Variants in PRRC2C observed in about 807,000 individuals in gnomAD.
The protein encoded by PRRC2C is proline rich coiled-coil 2C.
A neutral mutation model predicts 317.2 loss-of-function variants in PRRC2C; 72 were observed. The ratio of observed to expected loss-of-function variants is 0.23; its 90% CI spans 0.19 to 0.28. The LOEUF is 0.28. PRRC2C is among the 10% of genes least tolerant of loss of function. The pLI, the probability that PRRC2C is intolerant of heterozygous loss-of-function variation, is 1.00. For synonymous variants in PRRC2C, 1,296 were observed against 1,205.9 expected (o/e 1.07, Z -1.55); for missense variants, 3,074 against 3,459.7 (o/e 0.89, Z 2.80).
rs1039614479 is a variant in PRRC2C at position 171,557,747 on chromosome 1, G to A, written c.5635G>A (p.Ala1879Thr). The part of the protein sequence containing the change: ...ALASTSAPTP[A>T]PAASSPAAPV... ...AGCATCAACTTCAGCTCCAACGCCAGCCCCAGCAGCCTCTTCCCCAGCTGC... is the reference window on the plus strand; with the variant it reads ...AGCATCAACTTCAGCTCCAACGCCAACCCCAGCAGCCTCTTCCCCAGCTGC... Residue 1879 changes from alanine to threonine, a missense_variant, in exon 19 of 35, where the codon GCC (alanine) becomes ACC (threonine). Ala to Thr is a moderately conservative substitution (Grantham distance 58). Around this residue, in one of 11 missense-constraint regions of PRRC2C, gnomAD observed 640 missense variants for 676.1 expected, o/e 0.95. Coordinates refer to ENST00000647382, the MANE Select transcript of PRRC2C (RefSeq NM_001387844.1). 1 of 1,550,934 alleles carries A rather than the reference G, an allele frequency of 6.4e-7. No homozygotes were observed. Among genetic ancestry groups the A allele is most frequent in the South Asian group, 1.2e-5 (1 of 84,028 alleles).
chr1:171,580,070 C>A, intron 28 of PRRC2C, 106 bp downstream of exon 28: 1 of 1,061,564 alleles, frequency 9.4e-7, no homozygotes, highest in Non-Finnish European at 1.2e-6. Flanking sequence ...CCTAGGATGA[C>A]TCTGCTATAA....
chr1:171,532,999 C>T, intron 12 of PRRC2C, 38 bp downstream of exon 12: 1 of 1,488,152 alleles, frequency 6.7e-7, no homozygotes, highest in Non-Finnish European at 8.9e-7. Flanking sequence ...AAAAACTTTA[C>T]AAAGAGCTTT....
Position 171,541,445 on chromosome 1 carries a change from G to C in PRRC2C, c.3979G>C (p.Asp1327His). ...ACTGCTAGAAAAGCCTTATGTAAGG[G>C]ATGACGATAAAGCTAAACCAGGCTT... The part of the protein sequence containing the change: ...NRLLEKPYVR[D>H]DDKAKPGFLP... The change falls in exon 16 of 35, where the codon GAT (aspartate) becomes CAT (histidine). Residue 1327 changes from aspartate to histidine, a missense_variant. Physicochemically the swap from Asp to His is moderately conservative, Grantham distance 81. Coordinates refer to ENST00000647382, the MANE Select transcript of PRRC2C (RefSeq NM_001387844.1). This position sits in a 1 kb window ranked among gnomAD's most constrained non-coding sequence, Gnocchi z 4.1. 1 of 1,613,876 alleles carries C rather than the reference G, an allele frequency of 6.2e-7. No individual in the cohort carries two copies. The highest frequency in any genetic ancestry group is 8.5e-7 in the Non-Finnish European group (1 of 1,179,846).
intron 18 of PRRC2C, among the ~76,000 whole-genome samples, chr1:171,551,050 T>C (rs554797075): frequency 6.6e-6 from 1 of 152,288 alleles, no homozygotes; most frequent in South Asian, 2.1e-4. Context: ...CACACTGTCT[T>C]CCACAATGGT....
intron 5 of PRRC2C, 99 bp from the exon 6 acceptor site, chr1:171,517,492 C>A: frequency 9.0e-7 from 1 of 1,106,306 alleles, no homozygotes; most frequent in Non-Finnish European, 1.3e-6. Context: ...CTCTTTCACT[C>A]TGCTTACTTG....
chr1:171,561,131 T>A (rs1358716113), intron 20 of PRRC2C, 28 bp downstream of exon 20: 1 of 1,535,882 alleles, frequency 6.5e-7, no homozygotes, highest in Non-Finnish European at 9.0e-7. Context: ...ACAGCATAGG[T>A]GTGCTGGATT....
Position 171,591,883 on chromosome 1 carries a change from CGGG to C in PRRC2C, c.*37_*39del. 44 of 1,126,188 alleles carry C rather than the reference CGGG, an allele frequency of 3.9e-5. No homozygotes were observed. Among genetic ancestry groups the C allele is most frequent in the African/African-American group, 3.6e-5 (2 of 55,064 alleles). 69.8% of individuals were successfully genotyped at this position (1,126,188 alleles called of 1,614,324 possible). On this transcript the variant is annotated 3_prime_UTR_variant, in exon 35 of 35. Coordinates refer to ENST00000647382, the MANE Select transcript of PRRC2C (RefSeq NM_001387844.1). ...TTATTGCAGGGGATTGGGAGGGGGGCGGGAAAACATGGAGAATTAAGTCAGATA... is the reference window on the plus strand; with the variant it reads ...TTATTGCAGGGGATTGGGAGGGGGGCAAAACATGGAGAATTAAGTCAGATA...
At chr1:171,570,260 G>A (rs550019125) in intron 23 of PRRC2C, among the ~76,000 whole-genome samples, 3 of 152,206 alleles carry the variant, frequency 2.0e-5, no homozygotes, top group South Asian at 2.1e-4. Context: ...TCTTTCACTT[G>A]TCTGTTTGGG....
Position 171,535,524 on chromosome 1 carries a change from C to T in PRRC2C, c.1970C>T (p.Pro657Leu). ...HETEPESGSQ[P>L]RPAVLSGYFK... ...ACAGAACCAGAATCAGGGTCTCAAC[C>T]TCGGCCGGCTGTATTATCTGGCTAT... The change falls in exon 13 of 35, where the codon CCT (proline) becomes CTT (leucine). Residue 657 changes from proline (P) to leucine (L), a missense_variant. Pro to Leu is a moderately conservative substitution (Grantham distance 98, BLOSUM62 -3). Transcript: ENST00000647382. 1.2e-6 allele frequency: 2 copies of T among 1,614,010 alleles called. No homozygotes were observed. The highest frequency in any genetic ancestry group is 1.7e-6 in the Non-Finnish European group (2 of 1,179,884).
In PRRC2C at chr1:171,522,192, C is replaced by A. The variant is rs769008070; in HGVS notation, c.766C>A (p.Pro256Thr). The A allele has an allele frequency of 6.3e-6, 10 of 1,583,916 alleles. No homozygotes were observed. The highest frequency in any genetic ancestry group is 8.6e-6 in the Non-Finnish European group (10 of 1,158,294). Residue 256 changes from proline to threonine, a missense_variant, in exon 7 of 35, where the codon CCG becomes ACG. Around this residue, in one of 11 missense-constraint regions of PRRC2C, gnomAD observed 237 missense variants for 199.5 expected, o/e 1.19. Transcript: ENST00000647382. ...MMPPYMFQQY[P>T]RMTYPPLHGP... ...CTTCATTCAGATGTTCCAACAGTAT[C>A]CGAGGATGACATATCCTCCTCTACA...
At position 171,536,302 on chromosome 1, in the gene PRRC2C, T is replaced by C. The variant is rs757498532; in HGVS notation, c.2293+24T>C. 2.5e-6 allele frequency: 4 copies of C among 1,597,774 alleles called. No individual in the cohort carries two copies. In the African/African-American group the frequency reaches 5.4e-5, roughly 21 times the overall value. On this transcript the variant is annotated intron_variant, in intron 14 of 34. Transcript: ENST00000647382. Reference sequence around the variant, plus strand: ...TGGTCAGTTGAATTTGCATTTATAGTTTTACAGGATCAAAATTTTTTTTTC... The same window carrying C: ...TGGTCAGTTGAATTTGCATTTATAGCTTTACAGGATCAAAATTTTTTTTTC...
In PRRC2C at chr1:171,558,007, T is replaced by C. The variant is rs1330642794; in HGVS notation, c.5895T>C (p.Ala1965=). Residue 1965 remains alanine, a synonymous_variant, in exon 19 of 35, where the codon GCT becomes GCC. Transcript: ENST00000647382. The part of the protein sequence containing the change: ...QPPPSIRLPS[A]QTPNGTDYVA... ...CACCATCAATTAGGCTGCCTTCAGC[T>C]CAAACACCTAATGGCACAGATTATG... 1.2e-6 allele frequency: 2 copies of C among 1,613,948 alleles called. No homozygotes were observed. Among genetic ancestry groups the C allele is most frequent in the South Asian group, 2.2e-5 (2 of 91,082 alleles).
intron 17 of PRRC2C, among the ~76,000 whole-genome samples, chr1:171,546,719 G>C (rs190006544): frequency 6.6e-6 from 1 of 152,160 alleles, no homozygotes; most frequent in African/African-American, 2.4e-5. Context: ...CCCAGCCTCA[G>C]CTTCCCGAGT....
chr1:171,525,169 T>C (rs1005315389), intron 10 of PRRC2C, among the ~76,000 whole-genome samples: 10 of 152,226 alleles, frequency 6.6e-5, no homozygotes, highest in Non-Finnish European at 1.2e-4. Context: ...GCTAAAGTTA[T>C]CAAGTGAAAA....
chr1:171,584,136 G>A lies in PRRC2C; in HGVS notation c.7590G>A (p.Gly2530=). ...CTATATTGTATGAACATCAACTGGG[G>A]CAGGCATCAGGACTAGGAGGTTCCC... ...PIPILYEHQL[G]QASGLGGSQL... The change falls in exon 29 of 35, where the codon GGG becomes GGA. Residue 2530 remains glycine, a synonymous_variant. Coordinates refer to ENST00000647382, the MANE Select transcript of PRRC2C (RefSeq NM_001387844.1). 6.2e-7 allele frequency: 1 copy of A among 1,613,946 alleles called. No individual in the cohort carries two copies. Among genetic ancestry groups the A allele is most frequent in the South Asian group, 1.1e-5 (1 of 91,076 alleles).
chr1:171,579,348 C>T lies in PRRC2C; in HGVS notation c.7160-6C>T, dbSNP rs1478689611. ...ACTACTGCTTGTTTATCCTGATGGT[C>T]TACAGCTCAAATCCCAGCCTTCTAT... On this transcript the variant is annotated splice_region_variant and splice_polypyrimidine_tract_variant and intron_variant, in intron 26 of 34. Coordinates refer to ENST00000647382, the MANE Select transcript of PRRC2C (RefSeq NM_001387844.1). 1.9e-6 allele frequency: 3 copies of T among 1,612,188 alleles called. No individual in the cohort carries two copies. The African/African-American group carries it at 4.0e-5, about 22-fold the overall frequency.
chr1:171,576,236 GGA>G (rs1685674110), intron 25 of PRRC2C, among the ~76,000 whole-genome samples: 1 of 152,188 alleles, frequency 6.6e-6, no homozygotes, highest in Non-Finnish European at 1.5e-5. Flanking sequence ...AAAGGAAACA[GGA>G]GAGTATGGTA....
rs139632419 is a variant in PRRC2C at position 171,486,504 on chromosome 1, GTCTT to G, written c.-58+770_-58+773del. Among the ~76,000 whole-genome samples, 593 of 152,260 alleles carry G rather than the reference GTCTT, an allele frequency of 3.9e-3. 3 individuals carry two copies. The highest frequency in any genetic ancestry group is 0.013 in the African/African-American group (542 of 41,542). On this transcript the variant is annotated intron_variant, in intron 1 of 34. Transcript: ENST00000647382. The stretch of plus-strand genomic sequence containing the variant: ...GGGCCACTATAGAGACATTGATAGA[GTCTT>G]CCTTCCTTTGCATGAGAGGAGTACC...
intron 2 of PRRC2C, chr1:171,512,543 G>C: frequency 3.6e-6 from 1 of 277,306 alleles, no homozygotes. Flanking sequence ...TTATAGACTA[G>C]AGAAAGTCTT....
Sources: gnomAD v4.1 joint callset for allele counts (sites outside exome capture counted in the v4.1 genomes callset) on GRCh38, gnomAD v4.1.1 for gene constraint, gnomAD v4.1.1 regional missense constraint, Gnocchi (gnomAD v3.1) non-coding constraint, MANE v1.5 for transcripts, NCBI Gene and HGNC (gene_info 2026-07-23, HGNC 2026-07-21) for gene names.